Variants in SPIDR observed in about 807,000 individuals in gnomAD.
The protein encoded by SPIDR is DNA repair-scaffolding protein.
In SPIDR, 93 loss-of-function variants were observed where a neutral mutation model predicts 104.6. The ratio of observed to expected loss-of-function variants is 0.89; its 90% CI spans 0.75 to 1.06. SPIDR has a LOEUF of 1.06. Among genes scored for constraint, SPIDR ranks in the 50% least tolerant of loss-of-function variants. The pLI, the probability that SPIDR is intolerant of heterozygous loss-of-function variation, is 0.00. For missense variants in SPIDR, 1,154 were observed against 1,111.2 expected (o/e 1.04, Z -0.55); for synonymous variants, 431 against 416.9 (o/e 1.03, Z -0.41).
chr8:47,665,957 T>C lies in SPIDR; in HGVS notation c.1545-7844T>C, dbSNP rs546471677. Among the ~76,000 whole-genome samples the C allele has an allele frequency of 1.9e-4, 29 of 152,362 alleles. 1 individual carries two copies. Among genetic ancestry groups the C allele is most frequent in the African/African-American group, 6.7e-4 (28 of 41,592 alleles). Reference sequence around the variant, plus strand: ...TTTTGCATTTTTTTATAGAACATAATTTGGAAAAGCTTTAAATTGAAGGCT... The same window carrying C: ...TTTTGCATTTTTTTATAGAACATAACTTGGAAAAGCTTTAAATTGAAGGCT... On this transcript the variant is annotated intron_variant, in intron 10 of 19. Transcript: ENST00000297423.
intron 16 of SPIDR, among the ~76,000 whole-genome samples, chr8:47,715,841 T>C (rs1254188508): frequency 6.6e-6 from 1 of 152,204 alleles, no homozygotes; most frequent in African/African-American, 2.4e-5. Context: ...TTTTGAAATT[T>C]GGGGTATGAA....
chr8:47,627,621 G>A (rs867095858), intron 10 of SPIDR, among the ~76,000 whole-genome samples: 1 of 152,118 alleles, frequency 6.6e-6, no homozygotes, highest in South Asian at 2.1e-4. Flanking sequence ...CCTTCTATGT[G>A]TTATAGAACT....
At chr8:47,561,215 A>G (rs1170286317) in intron 8 of SPIDR, among the ~76,000 whole-genome samples, 4 of 152,240 alleles carry the variant, frequency 2.6e-5, no homozygotes, top group Non-Finnish European at 4.4e-5. Flanking sequence ...CTGTACTGCC[A>G]GAGTCTATGA....
chr8:47,701,793 A>G lies in SPIDR; in HGVS notation c.1846A>G (p.Ile616Val), dbSNP rs2080223723. 2 of 1,614,144 alleles carry G rather than the reference A, an allele frequency of 1.2e-6. No individual in the cohort carries two copies. Among genetic ancestry groups the G allele is most frequent in the African/African-American group, 2.7e-5 (2 of 75,034 alleles). ...TAHPNLGQID[I>V]IDEDPIYKLY... ...TCATCCAAATCTGGGACAAATTGAT[A>G]TAATTGACGAAGACCCCATTTATAA... is the stretch of plus-strand genomic sequence containing the variant. Residue 616 changes from isoleucine to valine, a missense_variant, in exon 13 of 20, where the codon ATA (isoleucine) becomes GTA (valine). Coordinates refer to ENST00000297423, the MANE Select transcript of SPIDR (RefSeq NM_001080394.4).
intron 5 of SPIDR, among the ~76,000 whole-genome samples, chr8:47,343,620 C>T (rs2051219030): frequency 6.6e-6 from 1 of 152,186 alleles, no homozygotes; most frequent in Non-Finnish European, 1.5e-5. Context: ...ACTTTCAACA[C>T]AGCTGCAGGA....
At chr8:47,648,281 T>C (rs1178444278) in intron 10 of SPIDR, among the ~76,000 whole-genome samples, 1 of 152,150 alleles carries the variant, frequency 6.6e-6, no homozygotes, top group African/African-American at 2.4e-5. Flanking sequence ...GGCAACAAGA[T>C]GAATGGTGAT....
chr8:47,701,721 A>C lies in SPIDR; in HGVS notation c.1774A>C (p.Ile592Leu). The C allele has an allele frequency of 6.2e-7, 1 of 1,614,018 alleles. No homozygotes were observed. Among genetic ancestry groups the C allele is most frequent in the Non-Finnish European group, 8.5e-7 (1 of 1,179,972 alleles). Reference protein sequence around the residue: ...TPGRDQPCEEIKTHLPPPALC... With the variant: ...TPGRDQPCEELKTHLPPPALC... ...TTCTACCTTTGTCTCATTTAAACAG[A>C]TAAAAACTCATCTGCCTCCTCCAGC... Residue 592 changes from isoleucine to leucine, a missense_variant and splice_region_variant, in exon 13 of 20, where the codon ATA becomes CTA. Ile to Leu is a conservative substitution (Grantham distance 5, BLOSUM62 2). Transcript: ENST00000297423.
chr8:47,567,421 G>T (rs1055453810), intron 8 of SPIDR, among the ~76,000 whole-genome samples: 1 of 151,880 alleles, frequency 6.6e-6, no homozygotes, highest in Non-Finnish European at 1.5e-5. Context: ...GTTTCTCCAT[G>T]TTGGTCAGGC....
At chr8:47,359,918 C>T (rs901245535) in intron 5 of SPIDR, among the ~76,000 whole-genome samples, 1 of 152,120 alleles carries the variant, frequency 6.6e-6, no homozygotes, top group Non-Finnish European at 1.5e-5. Context: ...TTGAAAGAGC[C>T]TGGAACAATT....
chr8:47,409,263 C>CT (rs561685024), intron 7 of SPIDR, among the ~76,000 whole-genome samples: 25 of 147,632 alleles, frequency 1.7e-4, no homozygotes, highest in African/African-American at 2.5e-4. Context: ...TGAAAACTGA[C>CT]TTTTTTTTTT....
chr8:47,649,624 G>A (rs749617473), intron 10 of SPIDR, among the ~76,000 whole-genome samples: 10 of 152,224 alleles, frequency 6.6e-5, no homozygotes, highest in Middle Eastern at 3.4e-3. Flanking sequence ...GCTGTAGAGC[G>A]GCTATATGGG....
intron 5 of SPIDR, among the ~76,000 whole-genome samples, chr8:47,341,890 C>G (rs782327469): frequency 6.6e-6 from 1 of 152,148 alleles, no homozygotes; most frequent in Non-Finnish European, 1.5e-5. Context: ...CAGAATCTTC[C>G]CCTCTGCAGT....
intron 6 of SPIDR, among the ~76,000 whole-genome samples, chr8:47,398,480 A>T (rs2061488736): frequency 6.6e-6 from 1 of 152,132 alleles, no homozygotes; most frequent in Non-Finnish European, 1.5e-5. Flanking sequence ...GAGGTGGGGG[A>T]GGACATTTCA....
intron 5 of SPIDR, among the ~76,000 whole-genome samples, chr8:47,347,180 A>G (rs1418095831): frequency 3.3e-5 from 5 of 152,044 alleles, no homozygotes; most frequent in Non-Finnish European, 7.4e-5. Flanking sequence ...GAACACCTTT[A>G]TTTTTGCCTT....
At chr8:47,584,174 G>A (rs1034896293) in intron 8 of SPIDR, among the ~76,000 whole-genome samples, 1 of 152,042 alleles carries the variant, frequency 6.6e-6, no homozygotes, top group Admixed American at 6.6e-5. Context: ...AAAATTTCAG[G>A]CTTTTCACAT....
At chr8:47,642,021 G>A (rs987486482) in intron 10 of SPIDR, among the ~76,000 whole-genome samples, 5 of 152,138 alleles carry the variant, frequency 3.3e-5, no homozygotes, top group Non-Finnish European at 5.9e-5. Flanking sequence ...TGGACTCTGC[G>A]CACGTGTGGG....
At chr8:47,347,107 C>T (rs1554618733) in intron 5 of SPIDR, among the ~76,000 whole-genome samples, 1 of 152,230 alleles carries the variant, frequency 6.6e-6, no homozygotes, top group African/African-American at 2.4e-5. Context: ...TCCCTCTACA[C>T]ACTGCTTTAA....
intron 8 of SPIDR, among the ~76,000 whole-genome samples, chr8:47,506,795 A>T (rs1171960610): frequency 6.6e-6 from 1 of 152,194 alleles, no homozygotes; most frequent in African/African-American, 2.4e-5. Context: ...TGAGGATAAA[A>T]TGGTATCCTG....
intron 10 of SPIDR, among the ~76,000 whole-genome samples, chr8:47,672,159 A>T (rs1281867242): frequency 6.6e-6 from 1 of 152,174 alleles, no homozygotes; most frequent in Non-Finnish European, 1.5e-5. Flanking sequence ...CAAGATCTCA[A>T]TACATTGTCC....
Sources: gnomAD v4.1 joint callset for allele counts (sites outside exome capture counted in the v4.1 genomes callset) on GRCh38, gnomAD v4.1.1 for gene constraint, MANE v1.5 for transcripts, NCBI Gene and HGNC (gene_info 2026-07-23, HGNC 2026-07-21) for gene names.